The following C4orf50 variants were observed in gnomAD, a reference collection of about 807,000 sequenced individuals.
C4orf50 encodes the protein chromosome 4 open reading frame 50.
C4orf50 carries 80 observed loss-of-function variants against 77.2 expected under a neutral mutation model. That is an observed-to-expected ratio of 1.04 (90% confidence interval 0.87 to 1.25). C4orf50 has a LOEUF of 1.25. Ranked by LOEUF, C4orf50 falls within the 50% of genes most tolerant of loss-of-function variation. The pLI, the probability that C4orf50 is intolerant of heterozygous loss-of-function variation, is 0.00. For synonymous variants in C4orf50, 532 were observed against 465.3 expected (o/e 1.14, Z -1.84); for missense variants, 1,257 against 1,152.9 (o/e 1.09, Z -1.31).
In C4orf50 at chr4:5,919,908, G is replaced by T. The variant is rs886131641; in HGVS notation, c.*2475-21720C>A. 2.0e-5 allele frequency among the ~76,000 whole-genome samples: 3 copies of T among 152,206 alleles called. No homozygotes were observed. Among genetic ancestry groups the T allele is most frequent in the Non-Finnish European group, 4.4e-5 (3 of 68,044 alleles). On this transcript the variant is annotated intron_variant, in intron 7 of 7. Coordinates refer to the C4orf50 transcript ENST00000324058. This position sits in a 1 kb window ranked among gnomAD's most constrained non-coding sequence, Gnocchi z 6.5. ...CCATCGATTCAACCAACCAGGGATTGAAAATACTCAAAGAAAACTTAGTCT... is the reference window on the plus strand; with the variant it reads ...CCATCGATTCAACCAACCAGGGATTTAAAATACTCAAAGAAAACTTAGTCT...
At chr4:5,947,276 T>C (rs1190411013) in intron 7 of C4orf50, among the ~76,000 whole-genome samples, 3 of 152,074 alleles carry the variant, frequency 2.0e-5, no homozygotes, top group Admixed American at 2.0e-4. Flanking sequence ...CCTTCCTTAC[T>C]GACCCCAATT....
chr4:5,943,205 G>A (rs550509144), intron 7 of C4orf50, among the ~76,000 whole-genome samples: 3 of 152,292 alleles, frequency 2.0e-5, no homozygotes, highest in Admixed American at 6.5e-5. Flanking sequence ...CTACGTGTCC[G>A]TTAGGCACCC....
chr4:6,006,741 A>G (rs1722265557), intron 25 of C4orf50, among the ~76,000 whole-genome samples: 1 of 152,160 alleles, frequency 6.6e-6, no homozygotes, highest in Non-Finnish European at 1.5e-5. Flanking sequence ...AAATATGCAA[A>G]CCAGGAAGGG....
chr4:5,973,931 C>T (rs1720101241), intron 30 of C4orf50, 90 bp from the exon 9 acceptor site: 1 of 1,032,210 alleles, frequency 9.7e-7, no homozygotes, highest in African/African-American at 1.6e-5. Context: ...CAGCTGAGGC[C>T]CCTACTCACC....
chr4:5,959,665 CAT>C (rs771578224), intron 33 of C4orf50, 39 bp from the exon 12 acceptor site: 4 of 1,578,544 alleles, frequency 2.5e-6, no homozygotes, highest in East Asian at 4.5e-5. Context: ...TCTGCGTCCA[CAT>C]GTTTGTAAAA....
At chr4:5,921,233 C>G (rs1213998301) in intron 7 of C4orf50, among the ~76,000 whole-genome samples, 1 of 152,214 alleles carries the variant, frequency 6.6e-6, no homozygotes, top group Non-Finnish European at 1.5e-5. Flanking sequence ...GATGTGTCAT[C>G]CTCCTGGGCT....
At chr4:5,976,010 G>C in intron 29 of C4orf50, 55 bp from the exon 8 acceptor site, 1 of 1,461,812 alleles carries the variant, frequency 6.8e-7, no homozygotes, top group African/African-American at 1.4e-5. Context: ...CCACTGTCCA[G>C]AGCTTCCCCA....
intron 30 of C4orf50, 57 bp downstream of exon 8, chr4:5,975,842 C>T: frequency 1.5e-6 from 2 of 1,356,474 alleles, no homozygotes; most frequent in Non-Finnish European, 2.1e-6. Flanking sequence ...AGGAAAACTA[C>T]TAAACTCTCT....
chr4:5,982,049 AT>A lies in C4orf50; in HGVS notation c.3700-1712del, dbSNP rs571078269. ...ATAATAAAATATACAATAGCAGAAGATTTTTTTTTTAATTAATAGAAATATA... is the reference window on the plus strand; with the variant it reads ...ATAATAAAATATACAATAGCAGAAGATTTTTTTTTAATTAATAGAAATATA... On this transcript the variant is annotated intron_variant, in intron 28 of 33. Transcript: ENST00000531445. Among the ~76,000 whole-genome samples, 977 of 150,872 alleles carry A rather than the reference AT, an allele frequency of 6.5e-3. 6 individuals are homozygous for A. The highest frequency in any genetic ancestry group is 0.014 in the Middle Eastern group (4 of 294).
At chr4:5,985,083 C>A (rs1053915634) in intron 28 of C4orf50, among the ~76,000 whole-genome samples, 11 of 152,020 alleles carry the variant, frequency 7.2e-5, no homozygotes, top group African/African-American at 2.7e-4. Flanking sequence ...GGAATGAGAT[C>A]TTTAAAGAGC....
At chr4:5,923,718 A>G (rs963545153) in intron 7 of C4orf50, among the ~76,000 whole-genome samples, 2 of 152,198 alleles carry the variant, frequency 1.3e-5, no homozygotes, top group African/African-American at 4.8e-5. Context: ...CTGTAGACTT[A>G]GGCCACACAC....
chr4:5,939,686 T>C (rs993551438), intron 7 of C4orf50, among the ~76,000 whole-genome samples: 1 of 152,144 alleles, frequency 6.6e-6, no homozygotes, highest in Admixed American at 6.5e-5. Flanking sequence ...TTGAAGCCCC[T>C]GAAGTCTCTA....
rs1284607166 is a variant in C4orf50, at chr4:6,018,410, G to A, written c.22C>T (p.Arg8Trp). ...ACGTAGCTGAAACTCTCCTCAGTCC[G>A]TCCCTTGGCTGTTGGCTCCATCTCA... The change falls in exon 23 of 34, where the codon CGG becomes TGG. Residue 8 changes from arginine (R) to tryptophan (W), a missense_variant. Transcript: ENST00000531445. The surrounding 1 kb of genome is among the most constrained non-coding windows in gnomAD (Gnocchi z 5.1). 2.0e-5 allele frequency: 8 copies of A among 398,892 alleles called. No individual in the cohort carries two copies. The highest frequency in any genetic ancestry group is 1.1e-4 in the East Asian group (3 of 28,088). The allele number at this position is 398,892 out of a possible 1,614,324, so 24.7% of individuals were successfully genotyped here. A position where few individuals can be genotyped will look rare whatever the true frequency, so the allele number is the denominator to read the frequency against.
chr4:5,988,510 G>T (rs1346298222), exon 28 of C4orf50: 21 of 1,539,922 alleles, frequency 1.4e-5, no homozygotes, highest in Non-Finnish European at 1.7e-5. Flanking sequence ...CGATGGAGGG[G>T]GAGAATCAGC....
At chr4:5,962,929 T>G (rs1035593014) in intron 33 of C4orf50, among the ~76,000 whole-genome samples, 5 of 152,170 alleles carry the variant, frequency 3.3e-5, no homozygotes, top group Admixed American at 3.3e-4. Context: ...AAATGCCTCA[T>G]GGACACTCAT....
chr4:5,959,224 C>A (rs968557751), exon 34 of C4orf50: 13 of 909,318 alleles, frequency 1.4e-5, no homozygotes, highest in Non-Finnish European at 2.0e-5. Flanking sequence ...CAAGCTCTGA[C>A]AATGAACACA....
At chr4:5,924,614 G>A (rs537002695) in intron 7 of C4orf50, among the ~76,000 whole-genome samples, 11 of 152,188 alleles carry the variant, frequency 7.2e-5, no homozygotes, top group East Asian at 1.9e-4. Flanking sequence ...AACCCAGGGC[G>A]GGCCTGGAGC....
At chr4:5,941,845 C>A (rs1017140564) in intron 7 of C4orf50, among the ~76,000 whole-genome samples, 1 of 152,192 alleles carries the variant, frequency 6.6e-6, no homozygotes, top group African/African-American at 2.4e-5. Context: ...CAATGGGACT[C>A]CTCCTCCTCT....
At chr4:5,996,933 C>T (rs1398855040) in intron 25 of C4orf50, among the ~76,000 whole-genome samples, 1 of 152,318 alleles carries the variant, frequency 6.6e-6, no homozygotes, top group East Asian at 1.9e-4. Flanking sequence ...ACCAGAATTG[C>T]ACACTTTGTC....
Sources: gnomAD v4.1 joint callset for allele counts (sites outside exome capture counted in the v4.1 genomes callset) on GRCh38, gnomAD v4.1.1 for gene constraint, Gnocchi (gnomAD v3.1) non-coding constraint, MANE v1.5 for transcripts, NCBI Gene and HGNC (gene_info 2026-07-23, HGNC 2026-07-21) for gene names.